Variants in SCN10A observed in about 807,000 individuals in gnomAD.
SCN10A encodes the protein sodium voltage-gated channel alpha subunit 10.
In SCN10A, 162 loss-of-function variants were observed where a neutral mutation model predicts 170.7. The ratio of observed to expected loss-of-function variants is 0.95; its 90% CI spans 0.84 to 1.08. The LOEUF (loss-of-function observed/expected upper bound fraction) is 1.08, where lower values mean the gene tolerates loss of function less well. Among genes scored for constraint, SCN10A ranks in the 50% least tolerant of loss-of-function variants. The pLI, the probability that SCN10A is intolerant of heterozygous loss-of-function variation, is 0.00. For synonymous variants in SCN10A, 985 were observed against 904.6 expected (o/e 1.09, Z -1.59); for missense variants, 2,527 against 2,436.9 (o/e 1.04, Z -0.78).
rs1553618237 is a variant in SCN10A at position 38,736,973 on chromosome 3, T to TTTTTTTTTTTTTTTTG, written c.2280+2526_2280+2541dup. Among the ~76,000 whole-genome samples the TTTTTTTTTTTTTTTTG allele has an allele frequency of 8.2e-4, 82 of 100,214 alleles. 14 individuals carry two copies. Among genetic ancestry groups the TTTTTTTTTTTTTTTTG allele is most frequent in the Non-Finnish European group, 1.5e-3 (71 of 46,756 alleles). The allele number at this position is 100,214 out of a possible 152,430, so 65.7% of individuals were successfully genotyped here. A position where few individuals can be genotyped will look rare whatever the true frequency, so the allele number is the denominator to read the frequency against. ...GTAGCAGAAATGTTCGTTTTTTTTT[T>TTTTTTTTTTTTTTTTG]TTTTTTTTTTTTTTTGAGACGGAGT... On this transcript the variant is annotated intron_variant, in intron 15 of 27. Transcript: ENST00000449082.
chr3:38,787,739 G>T (rs1397792421), intron 4 of SCN10A, among the ~76,000 whole-genome samples: 6 of 152,124 alleles, frequency 3.9e-5, no homozygotes, highest in South Asian at 4.2e-4. Context: ...TGTTACATAG[G>T]TGTACCCGTG....
chr3:38,753,912 A>T (rs979239121), intron 11 of SCN10A, among the ~76,000 whole-genome samples: 1 of 152,082 alleles, frequency 6.6e-6, no homozygotes, highest in Admixed American at 6.5e-5. Flanking sequence ...TTCCACAAAA[A>T]CCCTCCTGGG....
intron 1 of SCN10A, among the ~76,000 whole-genome samples, chr3:38,805,604 C>T (rs2064400348): frequency 6.6e-6 from 1 of 151,988 alleles, no homozygotes; most frequent in Admixed American, 6.6e-5. Context: ...AACAGGACAC[C>T]GGACATATGA....
In SCN10A at chr3:38,799,561, G is replaced by C. The variant is rs570617624; in HGVS notation, c.-32-5519C>G. Among the ~76,000 whole-genome samples the C allele has an allele frequency of 3.3e-5, 5 of 152,192 alleles. 1 individual carries two copies. The highest frequency in any genetic ancestry group is 1.2e-4 in the African/African-American group (5 of 41,462). ...CAATCTTGAACGTGGCAGGGAGATA[G>C]AGGAGAAGTCCCAGCTCCTTGAATA... On this transcript the variant is annotated intron_variant, in intron 1 of 27. Coordinates refer to ENST00000449082, the MANE Select transcript of SCN10A (RefSeq NM_006514.4).
rs1182802889 is a variant in SCN10A, at chr3:38,816,078, C to T, written c.-74G>A. The T allele has an allele frequency of 6.6e-6, 1 of 152,210 alleles. No homozygotes were observed. The highest frequency in any genetic ancestry group is 1.5e-5 in the Non-Finnish European group (1 of 68,038). The allele number at this position is 152,210 out of a possible 1,614,324, so 9.4% of individuals were successfully genotyped here. A position where few individuals can be genotyped will look rare whatever the true frequency, so the allele number is the denominator to read the frequency against. Reference sequence around the variant, plus strand: ...TGCTTGTCTTCTACGTAAGAAATATCTTCTCTTCTATCCCAGATTGCCTCT... The same window carrying T: ...TGCTTGTCTTCTACGTAAGAAATATTTTCTCTTCTATCCCAGATTGCCTCT... On this transcript the variant is annotated 5_prime_UTR_variant, in exon 1 of 28. Coordinates refer to ENST00000449082, the MANE Select transcript of SCN10A (RefSeq NM_006514.4).
At chr3:38,768,611 G>A (rs1426246408) in intron 5 of SCN10A, among the ~76,000 whole-genome samples, 1 of 152,296 alleles carries the variant, frequency 6.6e-6, no homozygotes, top group South Asian at 2.1e-4. Context: ...GAAATCTGCT[G>A]TTAATCTTAT....
intron 15 of SCN10A, among the ~76,000 whole-genome samples, chr3:38,731,182 G>A (rs565998770): frequency 3.1e-4 from 47 of 152,334 alleles, no homozygotes; most frequent in African/African-American, 1.1e-3. Context: ...GAGGCTAATT[G>A]TTGGAATACT....
intron 22 of SCN10A, among the ~76,000 whole-genome samples, chr3:38,712,839 C>A (rs905340217): frequency 8.5e-5 from 13 of 152,134 alleles, no homozygotes; most frequent in Non-Finnish European, 1.9e-4. Context: ...ATGCCGTGGT[C>A]AAGAACCAGT....
rs762052761 is a variant in SCN10A at position 38,728,722 on chromosome 3, G to T, written c.2460C>A (p.Ile820=). The T allele has an allele frequency of 6.2e-7, 1 of 1,614,218 alleles. No individual in the cohort carries two copies. The highest frequency in any genetic ancestry group is 1.1e-5 in the South Asian group (1 of 91,086). The part of the protein sequence containing the change: ...GENYRNNRKN[I]SAPHEDWPRW... Reference sequence around the variant, plus strand: ...GGGGCCAGTCTTCATGGGGCGCGGAGATATTTTTTCGGTTGTTACGGTAGT... The same window carrying T: ...GGGGCCAGTCTTCATGGGGCGCGGATATATTTTTTCGGTTGTTACGGTAGT... Residue 820 remains isoleucine, a synonymous_variant, in exon 16 of 28, where the codon ATC becomes ATA. Coordinates refer to ENST00000449082, the MANE Select transcript of SCN10A (RefSeq NM_006514.4).
chr3:38,805,149 T>C (rs2064397388), intron 1 of SCN10A, among the ~76,000 whole-genome samples: 1 of 152,148 alleles, frequency 6.6e-6, no homozygotes, highest in Admixed American at 6.5e-5. Flanking sequence ...CTGTTTCAGG[T>C]TCATTATCTG....
At chr3:38,779,397 C>A (rs77498602) in intron 4 of SCN10A, among the ~76,000 whole-genome samples, 3,347 of 152,034 alleles carry the variant, frequency 0.022, 108 homozygotes, top group African/African-American at 0.076. Flanking sequence ...ATGAGACATC[C>A]TTTAATTCAT....
Position 38,771,356 on chromosome 3 carries a change from T to G in SCN10A, c.522A>C (p.Ala174=). The G allele has an allele frequency of 6.2e-7, 1 of 1,614,158 alleles. No homozygotes were observed. The change falls in exon 5 of 28, where the codon GCA becomes GCC. Residue 174 remains alanine (A), a synonymous_variant. Coordinates refer to ENST00000449082, the MANE Select transcript of SCN10A (RefSeq NM_006514.4). Reference sequence around the variant, plus strand: ...TGAACTCATTTAGACAAAATCCTCTTGCCAGTATCTTTATCAAGGCTTCAA... The same window carrying G: ...TGAACTCATTTAGACAAAATCCTCTGGCCAGTATCTTTATCAAGGCTTCAA... ...YTFEALIKIL[A]RGFCLNEFTY...
chr3:38,711,570 A>G (rs1340405637), intron 23 of SCN10A, among the ~76,000 whole-genome samples: 1 of 152,234 alleles, frequency 6.6e-6, no homozygotes, highest in Non-Finnish European at 1.5e-5. Context: ...CTCAGAGATT[A>G]TTTGTTGAAT....
chr3:38,756,574 G>T, intron 10 of SCN10A, 100 bp downstream of exon 10: 2 of 913,772 alleles, frequency 2.2e-6, no homozygotes, highest in Non-Finnish European at 3.5e-6. Flanking sequence ...TCCTCCTATA[G>T]CTCCCTAAAC....
intron 1 of SCN10A, among the ~76,000 whole-genome samples, chr3:38,805,182 G>A (rs189259968): frequency 1.1e-4 from 17 of 152,220 alleles, no homozygotes; most frequent in Admixed American, 8.5e-4. Context: ...TAGCTGCTTG[G>A]CAGAATAAGG....
intron 1 of SCN10A, among the ~76,000 whole-genome samples, chr3:38,797,351 A>C (rs2064346680): frequency 6.6e-6 from 1 of 152,148 alleles, no homozygotes; most frequent in Non-Finnish European, 1.5e-5. Context: ...AGGAGCACTC[A>C]CTGCTCTGAC....
At chr3:38,734,612 T>A (rs1426249950) in intron 15 of SCN10A, among the ~76,000 whole-genome samples, 1 of 152,216 alleles carries the variant, frequency 6.6e-6, no homozygotes, top group Non-Finnish European at 1.5e-5. Context: ...TCAATACATG[T>A]AGAATAATTG....
chr3:38,732,016 G>A (rs574113216), intron 15 of SCN10A, among the ~76,000 whole-genome samples: 7 of 152,328 alleles, frequency 4.6e-5, no homozygotes, highest in Non-Finnish European at 8.8e-5. Context: ...GGCTTCTAGA[G>A]CATTGGGCAG....
rs372316396 is a variant in SCN10A at position 38,746,135 on chromosome 3, T to C, written c.1868-3606A>G. Reference sequence around the variant, plus strand: ...GTCATCTAAGTTCTAGACCCCTATATCCTAAAGTCAACTTCCTACTGGACA... The same window carrying C: ...GTCATCTAAGTTCTAGACCCCTATACCCTAAAGTCAACTTCCTACTGGACA... On this transcript the variant is annotated intron_variant, in intron 13 of 27. Transcript: ENST00000449082. Among the ~76,000 whole-genome samples, 4 of 140,868 alleles carry C rather than the reference T, an allele frequency of 2.8e-5. No homozygotes were observed. In the East Asian group the frequency reaches 6.4e-4, roughly 23 times the overall value. The allele number at this position is 140,868 out of a possible 152,430, so 92.4% of individuals were successfully genotyped here.
Sources: gnomAD v4.1 joint callset for allele counts (sites outside exome capture counted in the v4.1 genomes callset) on GRCh38, gnomAD v4.1.1 for gene constraint, MANE v1.5 for transcripts, NCBI Gene and HGNC (gene_info 2026-07-23, HGNC 2026-07-21) for gene names.